The following CABLES1 variants were observed in gnomAD, a reference collection of about 807,000 sequenced individuals.
CABLES1 encodes the protein Cdk5 and Abl enzyme substrate 1.
A neutral mutation model predicts 57.8 loss-of-function variants in CABLES1; 36 were observed. The ratio of observed to expected loss-of-function variants is 0.62; its 90% CI spans 0.48 to 0.82. The LOEUF (loss-of-function observed/expected upper bound fraction) is 0.82. Among genes scored for constraint, CABLES1 ranks in the 40% least tolerant of loss-of-function variants. The probability of loss-of-function intolerance (pLI) is 0.00; values close to 1 mark genes in which losing one functional copy is unlikely to be tolerated. For missense variants in CABLES1, 767 were observed against 836.6 expected, an observed-to-expected ratio of 0.92 and a Z score of 1.03; for synonymous variants, 374 against 363.0, an observed-to-expected ratio of 1.03 and a Z score of -0.35.
chr18:23,200,923 G>T (rs972747986), intron 3 of CABLES1, among the ~76,000 whole-genome samples: 2 of 152,206 alleles, frequency 1.3e-5, no homozygotes, highest in Non-Finnish European at 2.9e-5. Flanking sequence ...ATAGCATGTG[G>T]TATTCCCGCC....
intron 2 of CABLES1, among the ~76,000 whole-genome samples, chr18:23,191,701 C>T (rs568247452): frequency 1.3e-5 from 2 of 152,184 alleles, no homozygotes; most frequent in African/African-American, 2.4e-5. Context: ...TAATTTAATT[C>T]TATGCTAATT....
intron 3 of CABLES1, among the ~76,000 whole-genome samples, chr18:23,200,542 G>A (rs149946182): frequency 0.022 from 3,317 of 152,296 alleles, 53 homozygotes; most frequent in Middle Eastern, 0.034. Context: ...GATTACAGGC[G>A]TGAGCCACCG....
intron 3 of CABLES1, among the ~76,000 whole-genome samples, chr18:23,195,720 A>G (rs2047277611): frequency 6.6e-6 from 1 of 152,236 alleles, no homozygotes; most frequent in Admixed American, 6.5e-5. Flanking sequence ...GTTTAAATTT[A>G]CCAAGTTATT....
chr18:23,169,530 C>T (rs930504333), intron 1 of CABLES1, among the ~76,000 whole-genome samples: 1 of 152,188 alleles, frequency 6.6e-6, no homozygotes, highest in Non-Finnish European at 1.5e-5. Flanking sequence ...CCTGGTCTGT[C>T]AGCAAAGCAG....
In CABLES1 at chr18:23,228,917, C is replaced by T. The variant is rs188796569; in HGVS notation, c.1089-5691C>T. 4.6e-5 allele frequency among the ~76,000 whole-genome samples: 7 copies of T among 152,232 alleles called. No individual in the cohort carries two copies. In the East Asian group the frequency reaches 1.4e-3, roughly 29 times the overall value. ...GGACTGTAGAGAGAAGGAATGACAA[C>T]CTTGCATCGTCCACAGTTCCTTGCC... On this transcript the variant is annotated intron_variant, in intron 4 of 9. Coordinates refer to ENST00000256925, the MANE Select transcript of CABLES1 (RefSeq NM_001100619.3).
At chr18:23,254,145 T>G (rs1209689385) in intron 9 of CABLES1, among the ~76,000 whole-genome samples, 1 of 152,232 alleles carries the variant, frequency 6.6e-6, no homozygotes, top group Non-Finnish European at 1.5e-5. Context: ...CCAAAGCTCC[T>G]CAGCATTGGG....
chr18:23,247,412 A>AGTGTGAGGCTG (rs1355912893), intron 7 of CABLES1, among the ~76,000 whole-genome samples: 26 of 152,236 alleles, frequency 1.7e-4, no homozygotes, highest in African/African-American at 6.3e-4. Context: ...GGTGCAGAGC[A>AGTGTGAGGCTG]GTGGCCTCAA....
At chr18:23,175,087 ATTATATCC>A (rs1443081256) in intron 1 of CABLES1, among the ~76,000 whole-genome samples, 2 of 152,090 alleles carry the variant, frequency 1.3e-5, no homozygotes, top group East Asian at 3.9e-4. Flanking sequence ...TTCAATGGTG[ATTATATCC>A]TTACTGTACA....
intron 1 of CABLES1, among the ~76,000 whole-genome samples, chr18:23,140,635 G>A (rs192258511): frequency 1.3e-5 from 2 of 151,986 alleles, no homozygotes; most frequent in African/African-American, 2.4e-5. Flanking sequence ...ATGAGGGTTC[G>A]CCATGTTGGC....
Position 23,214,049 on chromosome 18 carries a change from A to G in CABLES1, c.1083A>G (p.Gln361=), listed in dbSNP as rs1327614736. Reference sequence around the variant, plus strand: ...TGCTGCCGTATCGCGACAGTACCCAAGTCGGGTATGTATATGCATGCATGC... The same window carrying G: ...TGCTGCCGTATCGCGACAGTACCCAGGTCGGGTATGTATATGCATGCATGC... ...FSVLPYRDST[Q]VGDLKLDGGR... The change falls in exon 4 of 10, where the codon CAA becomes CAG. Residue 361 remains glutamine, a synonymous_variant. Coordinates refer to ENST00000256925, the MANE Select transcript of CABLES1 (RefSeq NM_001100619.3). 2 of 1,610,892 alleles carry G rather than the reference A, an allele frequency of 1.2e-6. No homozygotes were observed. Among genetic ancestry groups the G allele is most frequent in the South Asian group, 1.1e-5 (1 of 90,880 alleles).
chr18:23,190,857 C>A (rs2047237509), intron 2 of CABLES1, among the ~76,000 whole-genome samples: 1 of 152,024 alleles, frequency 6.6e-6, no homozygotes, highest in South Asian at 2.1e-4. Flanking sequence ...AGGAAGATTG[C>A]TTAGTCTAGG....
intron 1 of CABLES1, among the ~76,000 whole-genome samples, chr18:23,165,856 A>G (rs2047038797): frequency 6.6e-6 from 1 of 152,144 alleles, no homozygotes; most frequent in African/African-American, 2.4e-5. Context: ...TCCCCCATCT[A>G]TCAGAAAGCG....
intron 1 of CABLES1, chr18:23,155,810 C>T: frequency 6.3e-7 from 1 of 1,597,986 alleles, no homozygotes; most frequent in Admixed American, 1.7e-5. Context: ...CTCAACAGTG[C>T]TTGCTTAGCC....
chr18:23,225,672 G>A lies in CABLES1; in HGVS notation c.1089-8936G>A, dbSNP rs181511817. 4.5e-3 allele frequency among the ~76,000 whole-genome samples: 684 copies of A among 152,288 alleles called. 9 individuals carry two copies. Among genetic ancestry groups the A allele is most frequent in the Admixed American group, 6.8e-3 (104 of 15,296 alleles). On this transcript the variant is annotated intron_variant, in intron 4 of 9. Coordinates refer to ENST00000256925, the MANE Select transcript of CABLES1 (RefSeq NM_001100619.3). ...TGGGAAGAGTCCCAGCCTTAAACCAGCTCCTTTTTCCTCAACTAACACTTG... is the reference window on the plus strand; with the variant it reads ...TGGGAAGAGTCCCAGCCTTAAACCAACTCCTTTTTCCTCAACTAACACTTG...
chr18:23,248,510 G>GTT (rs1186458704), intron 7 of CABLES1, among the ~76,000 whole-genome samples: 1 of 92,360 alleles, frequency 1.1e-5, no homozygotes, highest in African/African-American at 4.9e-5. Flanking sequence ...AAGACCCTAT[G>GTT]TCTTTTTTTT....
chr18:23,192,917 C>T (rs151220902), intron 2 of CABLES1, among the ~76,000 whole-genome samples: 8 of 152,120 alleles, frequency 5.3e-5, no homozygotes, highest in Non-Finnish European at 8.8e-5. Flanking sequence ...GTGGCCCAGG[C>T]GCAGTGGCTC....
At chr18:23,145,023 C>T (rs2046883107) in intron 1 of CABLES1, among the ~76,000 whole-genome samples, 1 of 151,904 alleles carries the variant, frequency 6.6e-6, no homozygotes, top group Non-Finnish European at 1.5e-5. Flanking sequence ...GCAACCTCCG[C>T]CTCCTGGGTT....
Position 23,150,207 on chromosome 18 carries a change from G to GTTTTTTTTTTT in CABLES1, c.845+13609_845+13619dup, listed in dbSNP as rs10638130. 7.7e-4 allele frequency among the ~76,000 whole-genome samples: 82 copies of GTTTTTTTTTTT among 106,658 alleles called. 4 individuals carry two copies. Among genetic ancestry groups the GTTTTTTTTTTT allele is most frequent in the Admixed American group, 1.3e-3 (12 of 9,416 alleles). 70.0% of individuals were successfully genotyped at this position (106,658 alleles called of 152,430 possible). ...TTTAAGGTCATAGTAGTTGGTGTTT[G>GTTTTTTTTTTT]TTTTTTTTTTTTTTTTTTTGAGACG... On this transcript the variant is annotated intron_variant, in intron 1 of 9. Coordinates refer to ENST00000256925, the MANE Select transcript of CABLES1 (RefSeq NM_001100619.3).
intron 2 of CABLES1, among the ~76,000 whole-genome samples, chr18:23,192,645 G>A (rs756202090): frequency 4.6e-5 from 7 of 152,196 alleles, no homozygotes; most frequent in Non-Finnish European, 8.8e-5. Context: ...CAGGGAAGTG[G>A]TATAAGGATG....
Sources: allele counts gnomAD v4.1 joint callset (sites outside exome capture counted in the v4.1 genomes callset), GRCh38; gene constraint gnomAD v4.1.1; transcripts MANE v1.5; gene names NCBI Gene and HGNC (gene_info 2026-07-23, HGNC 2026-07-21).